The following SESTD1 variants were observed in gnomAD, a reference collection of about 807,000 sequenced individuals.
SESTD1 encodes SEC14 and spectrin domain containing 1.
SESTD1 carries 43 observed loss-of-function variants against 101.7 expected under a neutral mutation model. The observed-to-expected ratio is 0.42, with a 90% CI of 0.33 to 0.55. The LOEUF is 0.55. Ranked by LOEUF, SESTD1 falls within the 20% of genes least tolerant of loss-of-function variation. The pLI is 0.07. For missense variants in SESTD1, 647 were observed against 815.1 expected, an observed-to-expected ratio of 0.79 and a Z score of 2.51; for synonymous variants, 283 against 286.8, an observed-to-expected ratio of 0.99 and a Z score of 0.13.
intron 1 of SESTD1, among the ~76,000 whole-genome samples, chr2:179,222,814 G>C (rs890652549): frequency 8.5e-5 from 13 of 152,120 alleles, no homozygotes; most frequent in African/African-American, 3.1e-4. Flanking sequence ...CACAAAACAA[G>C]AAAGTAGCCT....
At chr2:179,227,720 G>T (rs1036385018) in intron 1 of SESTD1, among the ~76,000 whole-genome samples, 4 of 152,008 alleles carry the variant, frequency 2.6e-5, no homozygotes, top group African/African-American at 9.7e-5. Context: ...AGCAATTCCC[G>T]GTTTTCAATG....
chr2:179,243,753 G>T (rs2047187695), intron 1 of SESTD1, among the ~76,000 whole-genome samples: 1 of 150,648 alleles, frequency 6.6e-6, no homozygotes, highest in Non-Finnish European at 1.5e-5. Flanking sequence ...GGGGCTACTA[G>T]AGGGGAGAGG....
intron 12 of SESTD1, 69 bp downstream of exon 12, chr2:179,123,646 G>T: frequency 2.0e-6 from 2 of 1,009,846 alleles, no homozygotes; most frequent in Non-Finnish European, 1.5e-6. Flanking sequence ...TGACTTAATT[G>T]TCTAACCATG....
intron 1 of SESTD1, among the ~76,000 whole-genome samples, chr2:179,256,672 C>A (rs1162431053): frequency 1.3e-5 from 2 of 151,934 alleles, no homozygotes; most frequent in Non-Finnish European, 2.9e-5. Flanking sequence ...ATGAGCCGGG[C>A]ATGGTGGCAG....
intron 1 of SESTD1, among the ~76,000 whole-genome samples, chr2:179,226,538 T>C (rs565059163): frequency 1.3e-5 from 2 of 152,218 alleles, no homozygotes; most frequent in African/African-American, 4.8e-5. Flanking sequence ...CAACAATTTA[T>C]GTCCACAATA....
At chr2:179,164,974 A>T (rs1575455228) in intron 5 of SESTD1, among the ~76,000 whole-genome samples, 2 of 152,334 alleles carry the variant, frequency 1.3e-5, no homozygotes, top group Middle Eastern at 6.8e-3. Context: ...AGGCTTAATT[A>T]CAACAGCCTA....
chr2:179,195,271 C>T (rs1308810569), intron 1 of SESTD1, among the ~76,000 whole-genome samples: 1 of 152,188 alleles, frequency 6.6e-6, no homozygotes, highest in Non-Finnish European at 1.5e-5. Context: ...TTCCCCCATG[C>T]TGTTCTTGTG....
chr2:179,144,397 C>A lies in SESTD1; in HGVS notation c.638-594G>T, dbSNP rs572769740. ...TTATATAATCTCTATTTATAAGAAT[C>A]TTCACAATATATTAACTGTGAATAA... On this transcript the variant is annotated intron_variant, in intron 8 of 17. Transcript: ENST00000428443. 6.6e-5 allele frequency among the ~76,000 whole-genome samples: 10 copies of A among 152,038 alleles called. No individual in the cohort carries two copies. In the East Asian group the frequency reaches 1.9e-3, roughly 29 times the overall value.
chr2:179,164,391 A>G (rs987330507), intron 5 of SESTD1, among the ~76,000 whole-genome samples: 4 of 152,158 alleles, frequency 2.6e-5, no homozygotes, highest in African/African-American at 9.7e-5. Flanking sequence ...CAACACTTTA[A>G]TGAGTGACAA....
At chr2:179,141,701 C>T (rs895498873) in intron 9 of SESTD1, among the ~76,000 whole-genome samples, 3 of 152,044 alleles carry the variant, frequency 2.0e-5, no homozygotes, top group Admixed American at 2.0e-4. Context: ...AAGGACCTTC[C>T]TTTTCCCCAA....
rs78121669 is a variant in SESTD1, at chr2:179,231,042, G to C, written c.-26+33457C>G. Among the ~76,000 whole-genome samples the C allele has an allele frequency of 9.2e-5, 14 of 152,224 alleles. No individual in the cohort carries two copies. The East Asian group carries it at 1.7e-3, about 19-fold the overall frequency. On this transcript the variant is annotated intron_variant, in intron 1 of 17. Transcript: ENST00000428443. ...AAAGCAAGGCCACATTATAAAAAGG[G>C]AAAGTGTGAACCAAGGACTTATTTC...
chr2:179,214,946 C>A (rs1164666549), intron 1 of SESTD1, among the ~76,000 whole-genome samples: 1 of 134,630 alleles, frequency 7.4e-6, no homozygotes, highest in Non-Finnish European at 1.6e-5. Context: ...CCAATGAGAA[C>A]AAAGACACAA....
rs2044342480 is a variant in SESTD1 at position 179,104,689 on chromosome 2, A to G, written c.*5210T>C. ...CTACATGCCTAACTTAAAATCCCTAATAACACTGCTCCTGATAAGTAGCAG... is the reference window on the plus strand; with the variant it reads ...CTACATGCCTAACTTAAAATCCCTAGTAACACTGCTCCTGATAAGTAGCAG... On this transcript the variant is annotated 3_prime_UTR_variant, in exon 18 of 18. Transcript: ENST00000428443. 6.6e-6 allele frequency: 1 copy of G among 152,128 alleles called. No homozygotes were observed. The highest frequency in any genetic ancestry group is 2.4e-5 in the African/African-American group (1 of 41,422). 9.4% of individuals were successfully genotyped at this position (152,128 alleles called of 1,614,324 possible).
chr2:179,252,926 A>G lies in SESTD1; in HGVS notation c.-26+11573T>C, dbSNP rs1288981755. Among the ~76,000 whole-genome samples the G allele has an allele frequency of 4.6e-5, 7 of 152,068 alleles. No individual in the cohort carries two copies. The East Asian group carries it at 1.2e-3, about 25-fold the overall frequency. ...CTTTCAGTGTGGTGACCATTTTTGCATATCTTCCTCCCTTCCAACCCCCAG... is the reference window on the plus strand; with the variant it reads ...CTTTCAGTGTGGTGACCATTTTTGCGTATCTTCCTCCCTTCCAACCCCCAG... On this transcript the variant is annotated intron_variant, in intron 1 of 17. Transcript: ENST00000428443.
intron 13 of SESTD1, among the ~76,000 whole-genome samples, chr2:179,120,015 G>A (rs1575423604): frequency 1.3e-5 from 2 of 152,248 alleles, no homozygotes; most frequent in South Asian, 4.1e-4. Context: ...CGGATCACGA[G>A]GTCAGGAGTT....
At position 179,104,741 on chromosome 2, in the gene SESTD1, C is replaced by A. The variant is rs919803645; in HGVS notation, c.*5158G>T. 1.3e-5 allele frequency: 2 copies of A among 152,022 alleles called. No individual in the cohort carries two copies. Among genetic ancestry groups the A allele is most frequent in the Non-Finnish European group, 2.9e-5 (2 of 68,006 alleles). The allele number at this position is 152,022 out of a possible 1,614,324, so 9.4% of individuals were successfully genotyped here. On this transcript the variant is annotated 3_prime_UTR_variant, in exon 18 of 18. Transcript: ENST00000428443. ...TGATAACTACTTTCAGTTAAGAATT[C>A]CTATAAAATTACATATAGGAATTAT...
rs142366718 is a variant in SESTD1, at chr2:179,110,855, T to C, written c.1962-827A>G. 3.7e-4 allele frequency among the ~76,000 whole-genome samples: 56 copies of C among 152,344 alleles called. No homozygotes were observed. In the East Asian group the frequency reaches 0.01, roughly 28 times the overall value. Reference sequence around the variant, plus strand: ...ATACCTAAAAGAGATATACATAAGTTTTAATATGAATATAAAGTGGAATAA... The same window carrying C: ...ATACCTAAAAGAGATATACATAAGTCTTAATATGAATATAAAGTGGAATAA... On this transcript the variant is annotated intron_variant, in intron 17 of 17. Transcript: ENST00000428443.
intron 17 of SESTD1, among the ~76,000 whole-genome samples, chr2:179,110,434 T>A (rs181215296): frequency 2.6e-5 from 4 of 152,364 alleles, no homozygotes; most frequent in East Asian, 1.9e-4. Flanking sequence ...TTCTTTTTAA[T>A]GTTATGACAT....
chr2:179,178,968 CTAAATT>C (rs2046060504), intron 3 of SESTD1, among the ~76,000 whole-genome samples: 1 of 152,176 alleles, frequency 6.6e-6, no homozygotes, highest in African/African-American at 2.4e-5. Flanking sequence ...ATAAAATACT[CTAAATT>C]TATCTTTCAG....
Sources: gnomAD v4.1 joint callset for allele counts (sites outside exome capture counted in the v4.1 genomes callset) on GRCh38, gnomAD v4.1.1 for gene constraint, MANE v1.5 for transcripts, NCBI Gene and HGNC (gene_info 2026-07-23, HGNC 2026-07-21) for gene names.